The following CDADC1 variants were observed in gnomAD, a reference collection of about 807,000 sequenced individuals.
CDADC1 encodes dCTP deaminase.
In CDADC1, 39 loss-of-function variants were observed where a neutral mutation model predicts 54.9. The observed-to-expected ratio is 0.71, with a 90% CI of 0.55 to 0.93. CDADC1 has a LOEUF of 0.93. CDADC1 is among the 40% of genes least tolerant of loss of function. The pLI is 0.00. For synonymous variants in CDADC1, 186 were observed against 204.0 expected (o/e 0.91, Z 0.75); for missense variants, 518 against 618.8 (o/e 0.84, Z 1.73).
chr13:49,264,137 T>C (rs569698788), intron 4 of CDADC1, among the ~76,000 whole-genome samples: 1 of 152,316 alleles, frequency 6.6e-6, no homozygotes, highest in South Asian at 2.1e-4. Flanking sequence ...TCCCCAAATA[T>C]TTTAGCTTGT....
At chr13:49,279,149 C>T (rs1055321017) in intron 7 of CDADC1, among the ~76,000 whole-genome samples, 2 of 152,178 alleles carry the variant, frequency 1.3e-5, no homozygotes, top group Non-Finnish European at 2.9e-5. Context: ...ACTTCTCAGC[C>T]TTTACCATTA....
chr13:49,289,856 G>T (rs754277729), intron 9 of CDADC1, among the ~76,000 whole-genome samples: 8 of 152,016 alleles, frequency 5.3e-5, no homozygotes, highest in Admixed American at 2.6e-4. Flanking sequence ...ACCAGCCTGG[G>T]CATCACAGCA....
In CDADC1 at chr13:49,282,236, G is replaced by GTT. The variant is rs759792512; in HGVS notation, c.1410+1556_1410+1557dup. 6.5e-3 allele frequency among the ~76,000 whole-genome samples: 615 copies of GTT among 94,064 alleles called. 14 individuals are homozygous for GTT. The highest frequency in any genetic ancestry group is 0.023 in the African/African-American group (557 of 24,302). 61.7% of individuals were successfully genotyped at this position (94,064 alleles called of 152,430 possible). A position where few individuals can be genotyped will look rare whatever the true frequency, so the allele number is the denominator to read the frequency against. On this transcript the variant is annotated intron_variant, in intron 8 of 9. Transcript: ENST00000251108. ...ACTATTTGGGTTCTGGTTTTTGTGG[G>GTT]TTTTTTTTTTTTTTTTTTTGCTTTT...
chr13:49,249,010 T>A, intron 2 of CDADC1, 45 bp downstream of exon 2: 2 of 1,263,644 alleles, frequency 1.6e-6, no homozygotes, highest in Non-Finnish European at 2.3e-6. Flanking sequence ...AGCAGTGGTT[T>A]AAAATCTGAG....
chr13:49,281,497 C>T (rs1953333616), intron 8 of CDADC1, among the ~76,000 whole-genome samples: 1 of 152,208 alleles, frequency 6.6e-6, no homozygotes, highest in Non-Finnish European at 1.5e-5. Flanking sequence ...AGCACGCAGC[C>T]TAGATCCCTC....
At chr13:49,279,498 G>A (rs1953252707) in intron 7 of CDADC1, among the ~76,000 whole-genome samples, 1 of 152,184 alleles carries the variant, frequency 6.6e-6, no homozygotes, top group African/African-American at 2.4e-5. Flanking sequence ...CAGTTAGGTT[G>A]GAATGTGGAC....
intron 2 of CDADC1, among the ~76,000 whole-genome samples, chr13:49,253,144 A>G (rs947661751): frequency 2.6e-5 from 4 of 152,248 alleles, no homozygotes; most frequent in African/African-American, 9.6e-5. Flanking sequence ...GCAATTAGAC[A>G]TGTAATTGTA....
intron 4 of CDADC1, among the ~76,000 whole-genome samples, chr13:49,264,573 AAG>A (rs1555312046): frequency 9.3e-5 from 14 of 150,886 alleles, no homozygotes; most frequent in African/African-American, 2.9e-4. Context: ...AAAAAAAAAA[AAG>A]AGCTGGGTGT....
chr13:49,274,147 T>C (rs1344193847), intron 5 of CDADC1, 144 bp from the exon 6 acceptor site: 2 of 599,646 alleles, frequency 3.3e-6, no homozygotes, highest in African/African-American at 3.8e-5. Context: ...TTTTAATACT[T>C]TTCTGTAATT....
At chr13:49,273,815 C>A (rs995147850) in intron 5 of CDADC1, among the ~76,000 whole-genome samples, 1 of 152,148 alleles carries the variant, frequency 6.6e-6, no homozygotes, top group Non-Finnish European at 1.5e-5. Flanking sequence ...AGAACATTTT[C>A]ATAAGATATA....
chr13:49,266,708 G>C (rs1952824266), intron 4 of CDADC1, among the ~76,000 whole-genome samples: 1 of 152,028 alleles, frequency 6.6e-6, no homozygotes, highest in Non-Finnish European at 1.5e-5. Context: ...TTTTTTGTTT[G>C]TTTAACGTCT....
Position 49,247,941 on chromosome 13 carries a change from A to T in CDADC1, c.-97A>T. 1 of 1,104,696 alleles carries T rather than the reference A, an allele frequency of 9.1e-7. No individual in the cohort carries two copies. The highest frequency in any genetic ancestry group is 1.3e-6 in the Non-Finnish European group (1 of 743,460). The allele number at this position is 1,104,696 out of a possible 1,614,324, so 68.4% of individuals were successfully genotyped here. On this transcript the variant is annotated 5_prime_UTR_variant, in exon 1 of 10. Transcript: ENST00000251108. ...GCTGCGCCTAGTGGGCCGTTGCCTTACAGTTGCTGAGAGGAGGCGAGAGGC... is the reference window on the plus strand; with the variant it reads ...GCTGCGCCTAGTGGGCCGTTGCCTTTCAGTTGCTGAGAGGAGGCGAGAGGC...
rs532470471 is a variant in CDADC1 at position 49,291,934 on chromosome 13, T to G, written c.*177T>G. 2.9e-6 allele frequency: 4 copies of G among 1,377,936 alleles called. No individual in the cohort carries two copies. Among genetic ancestry groups the G allele is most frequent in the Middle Eastern group, 2.7e-4 (1 of 3,730 alleles). The allele number at this position is 1,377,936 out of a possible 1,614,324, so 85.4% of individuals were successfully genotyped here. ...TTAATAAGAATATTTGTCTTTTAGA[T>G]TTATGTGTGGGTTTTCCATAATGTA... On this transcript the variant is annotated 3_prime_UTR_variant, in exon 10 of 10. Transcript: ENST00000251108.
intron 4 of CDADC1, among the ~76,000 whole-genome samples, chr13:49,265,370 A>T (rs1952792609): frequency 6.6e-6 from 1 of 152,220 alleles, no homozygotes; most frequent in South Asian, 2.1e-4. Flanking sequence ...AAACTCATTC[A>T]TGAGGCCAAA....
Position 49,259,236 on chromosome 13 carries a change from A to T in CDADC1, c.253-110A>T, listed in dbSNP as rs999112977. 2.0e-5 allele frequency: 16 copies of T among 788,558 alleles called. No individual in the cohort carries two copies. In the Admixed American group the frequency reaches 2.1e-4, roughly 10 times the overall value. 48.8% of individuals were successfully genotyped at this position (788,558 alleles called of 1,614,324 possible). A position where few individuals can be genotyped will look rare whatever the true frequency, so the allele number is the denominator to read the frequency against. On this transcript the variant is annotated intron_variant, in intron 3 of 9. Coordinates refer to ENST00000251108, the MANE Select transcript of CDADC1 (RefSeq NM_030911.4). ...AATGTGCTTTGTACAAACTCTGTTTAGATAAAGAATTAAACAAAACTTCCA... is the reference window on the plus strand; with the variant it reads ...AATGTGCTTTGTACAAACTCTGTTTTGATAAAGAATTAAACAAAACTTCCA...
Position 49,274,328 on chromosome 13 carries a change from A to G in CDADC1, c.1038A>G (p.Ala346=), listed in dbSNP as rs1261218933. Residue 346 remains alanine (A), a synonymous_variant, in exon 6 of 10, where the codon GCA becomes GCG. Transcript: ENST00000251108. ...HKTGVGAVIW[A]EGKSRSCDGT... ...CAGGAGTTGGGGCAGTCATTTGGGC[A>G]GAAGGGAAATCTGTAAGTATGAAAA... 6.2e-7 allele frequency: 1 copy of G among 1,611,218 alleles called. No homozygotes were observed.
chr13:49,260,120 A>G (rs776475606), intron 4 of CDADC1, among the ~76,000 whole-genome samples: 6 of 152,128 alleles, frequency 3.9e-5, no homozygotes, highest in Non-Finnish European at 7.4e-5. Flanking sequence ...AAATATGTAA[A>G]TATATATCTG....
rs1180420381 is a variant in CDADC1 at position 49,275,738 on chromosome 13, G to T, written c.1050+1398G>T. Among the ~76,000 whole-genome samples the T allele has an allele frequency of 8.0e-3, 89 of 11,188 alleles. 2 individuals are homozygous for T. The highest frequency in any genetic ancestry group is 0.014 in the South Asian group (3 of 208). The allele number at this position is 11,188 out of a possible 152,430, so 7.3% of individuals were successfully genotyped here. On this transcript the variant is annotated intron_variant, in intron 6 of 9. Coordinates refer to ENST00000251108, the MANE Select transcript of CDADC1 (RefSeq NM_030911.4). Reference sequence around the variant, plus strand: ...ATATATATATATATAGAGAGAGAGAGAGAGAGAGAGAGAGAGAGAGAGAGA... The same window carrying T: ...ATATATATATATATAGAGAGAGAGATAGAGAGAGAGAGAGAGAGAGAGAGA...
intron 8 of CDADC1, among the ~76,000 whole-genome samples, chr13:49,283,860 G>C (rs1252062482): frequency 1.3e-5 from 2 of 152,162 alleles, no homozygotes; most frequent in Non-Finnish European, 2.9e-5. Context: ...TGGCCTGGCT[G>C]CAAATATTAT....
Sources: gnomAD v4.1 joint callset for allele counts (sites outside exome capture counted in the v4.1 genomes callset) on GRCh38, gnomAD v4.1.1 for gene constraint, MANE v1.5 for transcripts, NCBI Gene and HGNC (gene_info 2026-07-23, HGNC 2026-07-21) for gene names.